TBC1D31: variants seen among roughly 807,000 people sequenced by gnomAD.
The protein encoded by TBC1D31 is TBC1 domain family member 31.
TBC1D31 carries 99 observed loss-of-function variants against 132.9 expected under a neutral mutation model. That is an observed-to-expected ratio of 0.74 (90% CI 0.63 to 0.88). TBC1D31 has a LOEUF of 0.88. Among genes scored for constraint, TBC1D31 ranks in the 40% least tolerant of loss-of-function variants. The pLI, the probability that TBC1D31 is intolerant of heterozygous loss-of-function variation, is 0.00. For missense variants in TBC1D31, 1,134 were observed against 1,256.6 expected (o/e 0.90, Z 1.48); for synonymous variants, 385 against 419.4 (o/e 0.92, Z 1.00).
chr8:123,137,096 T>G (rs1431180167), intron 17 of TBC1D31, among the ~76,000 whole-genome samples: 1 of 152,226 alleles, frequency 6.6e-6, no homozygotes, highest in Non-Finnish European at 1.5e-5. Flanking sequence ...CATACGTATC[T>G]AATTTGAATC....
At chr8:123,128,053 C>A in intron 13 of TBC1D31, 1 of 336,330 alleles carries the variant, frequency 3.0e-6, no homozygotes, top group Non-Finnish European at 5.3e-6. Flanking sequence ...GTAAGAAAAG[C>A]CTTCATTTTT....
chr8:123,082,461 C>CGT (rs1025766954), intron 2 of TBC1D31: 5 of 401,630 alleles, frequency 1.2e-5, no homozygotes, highest in African/African-American at 1.0e-4. Flanking sequence ...CTGCCAGGAT[C>CGT]GTCTTCCTAA....
At chr8:123,150,330 A>G (rs2130985338) in intron 21 of TBC1D31, among the ~76,000 whole-genome samples, 1 of 152,342 alleles carries the variant, frequency 6.6e-6, no homozygotes, top group Admixed American at 6.5e-5. Flanking sequence ...CCAAGTAAAG[A>G]AAATGTGCTG....
At chr8:123,138,391 T>TA (rs11451999) in intron 17 of TBC1D31, among the ~76,000 whole-genome samples, 58,418 of 152,000 alleles carry the variant, frequency 0.38, 11,678 homozygotes, top group African/African-American at 0.47. Context: ...TAGCAAATTA[T>TA]AAGGTAATTA....
downstream of TBC1D31, among the ~76,000 whole-genome samples, chr8:123,152,600 G>A (rs766842204): frequency 6.6e-6 from 1 of 152,190 alleles, no homozygotes. Flanking sequence ...GCCAGACGTG[G>A]TGGCTCACAC....
chr8:123,109,751 A>T (rs1294657797), intron 10 of TBC1D31, 131 bp downstream of exon 10: 7 of 794,698 alleles, frequency 8.8e-6, no homozygotes, highest in Middle Eastern at 2.6e-4. Flanking sequence ...GTTTAATTTT[A>T]AAAATGTACA....
intron 10 of TBC1D31, among the ~76,000 whole-genome samples, chr8:123,119,591 TAGGCCCAGCTACTC>T (rs780793228): frequency 4.6e-5 from 7 of 152,132 alleles, no homozygotes; most frequent in Non-Finnish European, 1.0e-4. Context: ...CATACACCTG[TAGGCCCAGCTACTC>T]AGGAGACTGA....
chr8:123,133,140 A>G (rs1337691121), intron 16 of TBC1D31, among the ~76,000 whole-genome samples: 1 of 152,264 alleles, frequency 6.6e-6, no homozygotes, highest in African/African-American at 2.4e-5. Context: ...TGACAAGTAC[A>G]TGTGACTGTG....
chr8:123,130,074 T>C, intron 15 of TBC1D31, 124 bp from the exon 16 acceptor site: 1 of 1,007,304 alleles, frequency 9.9e-7, no homozygotes, highest in Non-Finnish European at 1.4e-6. Context: ...AGTTCTCGCA[T>C]TCTTCTTTCA....
chr8:123,120,001 G>A (rs1819316398), intron 10 of TBC1D31, 54 bp from the exon 11 acceptor site: 3 of 1,413,886 alleles, frequency 2.1e-6, no homozygotes, highest in Non-Finnish European at 2.8e-6. Flanking sequence ...TTTTTATCAT[G>A]TGAAGATATT....
At chr8:123,119,288 T>C (rs1819250259) in intron 10 of TBC1D31, among the ~76,000 whole-genome samples, 1 of 152,174 alleles carries the variant, frequency 6.6e-6, no homozygotes, top group Non-Finnish European at 1.5e-5. Flanking sequence ...CAATTCCACT[T>C]TAGGAATTTC....
intron 18 of TBC1D31, among the ~76,000 whole-genome samples, chr8:123,141,530 G>A (rs1821667110): frequency 6.7e-6 from 1 of 148,564 alleles, no homozygotes; most frequent in Non-Finnish European, 1.5e-5. Context: ...AATAGAACTT[G>A]AGACTTTCAA....
chr8:123,133,138 A>T (rs553441410), intron 16 of TBC1D31, among the ~76,000 whole-genome samples: 1 of 152,382 alleles, frequency 6.6e-6, no homozygotes, highest in East Asian at 1.9e-4. Context: ...AGTGACAAGT[A>T]CATGTGACTG....
intron 4 of TBC1D31, among the ~76,000 whole-genome samples, chr8:123,090,400 T>C (rs1489944555): frequency 1.3e-5 from 2 of 152,294 alleles, no homozygotes; most frequent in Middle Eastern, 3.4e-3. Flanking sequence ...CTTTTGTTGA[T>C]GTTTGGGGGT....
In TBC1D31 at chr8:123,135,334, T is replaced by C. The variant is rs537260990; in HGVS notation, c.2499+1128T>C. 2.0e-5 allele frequency among the ~76,000 whole-genome samples: 3 copies of C among 152,364 alleles called. No homozygotes were observed. The East Asian group carries it at 5.8e-4, about 29-fold the overall frequency. ...ATTTTTATTATTTAGGAAAAATGTTTTGTTACTCATTTAGTGTTGAAACTG... is the reference window on the plus strand; with the variant it reads ...ATTTTTATTATTTAGGAAAAATGTTCTGTTACTCATTTAGTGTTGAAACTG... On this transcript the variant is annotated intron_variant, in intron 17 of 21. Transcript: ENST00000287380.
intron 16 of TBC1D31, among the ~76,000 whole-genome samples, chr8:123,132,528 C>T (rs2130834126): frequency 6.7e-6 from 1 of 149,738 alleles, no homozygotes; most frequent in Non-Finnish European, 1.5e-5. Flanking sequence ...ATTCTCATGC[C>T]TCAGCCTCCT....
In TBC1D31 at chr8:123,129,172, G is replaced by C; in HGVS notation, c.2224G>C (p.Glu742Gln). The C allele has an allele frequency of 6.2e-7, 1 of 1,607,066 alleles. No individual in the cohort carries two copies. The highest frequency in any genetic ancestry group is 8.5e-7 in the Non-Finnish European group (1 of 1,175,140). The stretch of plus-strand genomic sequence containing the variant: ...TCGTAAAGCTGAAGAAACAAGAAGA[G>C]AAATGCTCTTACAAGAGGAGGAGAA... ...LLRKAEETRR[E>Q]MLLQEEEKMI... Residue 742 changes from glutamate (E) to glutamine (Q), a missense_variant, in exon 15 of 22, where the codon GAA becomes CAA. Glu to Gln is a conservative substitution (Grantham distance 29, BLOSUM62 2). Transcript: ENST00000287380.
In TBC1D31 at chr8:123,126,189, G is replaced by A; in HGVS notation, c.1704G>A (p.Gln568=). The change falls in exon 12 of 22, where the codon CAG becomes CAA. Residue 568 remains glutamine, a splice_region_variant and synonymous_variant. Transcript: ENST00000287380. ...QHFIDHDITS[Q]LYAWPLLETV... ...TCATAGATCATGATATAACCTCCCA[G>A]GTAAGAAGCATAAGGTTTTTAGAAT... The A allele has an allele frequency of 6.2e-7, 1 of 1,604,052 alleles. No homozygotes were observed. The highest frequency in any genetic ancestry group is 8.5e-7 in the Non-Finnish European group (1 of 1,176,846).
At chr8:123,108,197 T>A (rs557918088) in intron 8 of TBC1D31, among the ~76,000 whole-genome samples, 2 of 152,320 alleles carry the variant, frequency 1.3e-5, no homozygotes, top group East Asian at 3.9e-4. Flanking sequence ...TTTAGCAGAT[T>A]TGTGACCATA....
Sources: allele counts gnomAD v4.1 joint callset (sites outside exome capture counted in the v4.1 genomes callset), GRCh38; gene constraint gnomAD v4.1.1; transcripts MANE v1.5; gene names NCBI Gene and HGNC (gene_info 2026-07-23, HGNC 2026-07-21).